DNAH12: variants seen among roughly 807,000 people sequenced by gnomAD.
DNAH12 encodes dynein axonemal heavy chain 12.
Under a neutral mutation model 371.5 loss-of-function variants are expected in DNAH12, and 285 were observed. That is an observed-to-expected ratio of 0.77 (90% CI 0.70 to 0.85). The LOEUF (loss-of-function observed/expected upper bound fraction) is 0.85, where lower values mean the gene tolerates loss of function less well. Ranked by LOEUF, DNAH12 falls within the 40% of genes least tolerant of loss-of-function variation. The pLI, the probability that DNAH12 is intolerant of heterozygous loss-of-function variation, is 0.00. For missense variants in DNAH12, 3,611 were observed against 3,689.4 expected, an observed-to-expected ratio of 0.98 and a Z score of 0.55; for synonymous variants, 1,200 against 1,213.0, an observed-to-expected ratio of 0.99 and a Z score of 0.22.
rs1412259482 is a variant in DNAH12 at position 57,405,243 on chromosome 3, T to C, written c.6577-96A>G. Reference sequence around the variant, plus strand: ...TGTTTCATCCATGTTATAAAGTAATTAAGTTTTTAAACATTAGGGTAGTAA... The same window carrying C: ...TGTTTCATCCATGTTATAAAGTAATCAAGTTTTTAAACATTAGGGTAGTAA... On this transcript the variant is annotated intron_variant, in intron 41 of 73. Coordinates refer to ENST00000495027, the MANE Select transcript of DNAH12 (RefSeq NM_001366028.2). 4.5e-6 allele frequency: 5 copies of C among 1,111,818 alleles called. No homozygotes were observed. In the East Asian group the frequency reaches 1.4e-4, roughly 31 times the overall value. The allele number at this position is 1,111,818 out of a possible 1,614,324, so 68.9% of individuals were successfully genotyped here. A position where few individuals can be genotyped will look rare whatever the true frequency, so the allele number is the denominator to read the frequency against.
intron 4 of DNAH12, among the ~76,000 whole-genome samples, chr3:57,512,982 C>CA (rs952818979): frequency 4.0e-5 from 6 of 151,768 alleles, no homozygotes; most frequent in African/African-American, 1.5e-4. Flanking sequence ...ACTAAAAATA[C>CA]AAAAAAATTA....
chr3:57,305,615 C>G (rs920848625), intron 69 of DNAH12, among the ~76,000 whole-genome samples: 1 of 152,102 alleles, frequency 6.6e-6, no homozygotes, highest in Non-Finnish European at 1.5e-5. Flanking sequence ...TATGAAAAAC[C>G]CAGCCAGTTC....
intron 2 of DNAH12, among the ~76,000 whole-genome samples, chr3:57,526,410 T>C (rs1388222743): frequency 1.3e-5 from 2 of 151,890 alleles, no homozygotes; most frequent in Admixed American, 1.3e-4. Flanking sequence ...TTTGTTTTTG[T>C]TTTGTTTTAT....
intron 55 of DNAH12, among the ~76,000 whole-genome samples, chr3:57,372,072 G>A (rs1446653337): frequency 6.6e-6 from 1 of 151,506 alleles, no homozygotes; most frequent in African/African-American, 2.4e-5. Context: ...TAGTGCAGTA[G>A]GGTAACTATA....
At chr3:57,341,361 T>C (rs1490135196) in intron 60 of DNAH12, among the ~76,000 whole-genome samples, 1 of 152,126 alleles carries the variant, frequency 6.6e-6, no homozygotes, top group Non-Finnish European at 1.5e-5. Flanking sequence ...ACTTAGACTC[T>C]ACCCAAAAAA....
intron 34 of DNAH12, among the ~76,000 whole-genome samples, 180 bp from the exon 35 acceptor site, chr3:57,425,321 C>CA (rs2064731850): frequency 6.6e-6 from 1 of 152,004 alleles, no homozygotes; most frequent in African/African-American, 2.4e-5. Context: ...AATCATAGCT[C>CA]ACTGCAGCCT....
intron 9 of DNAH12, among the ~76,000 whole-genome samples, chr3:57,503,422 CTG>C (rs1228249290): frequency 6.7e-6 from 1 of 150,008 alleles, no homozygotes; most frequent in Non-Finnish European, 1.5e-5. Context: ...CGGAGTCTCA[CTG>C]TGTCACTAGG....
chr3:57,353,225 G>C (rs913025467), intron 59 of DNAH12, among the ~76,000 whole-genome samples: 17 of 151,852 alleles, frequency 1.1e-4, no homozygotes, highest in Admixed American at 7.9e-4. Flanking sequence ...ATTTTTTTCA[G>C]TTTAATTTTT....
At chr3:57,365,499 T>C (rs2063031358) in intron 57 of DNAH12, among the ~76,000 whole-genome samples, 2 of 152,116 alleles carry the variant, frequency 1.3e-5, no homozygotes, top group Admixed American at 6.5e-5. Context: ...AAATAGCTAA[T>C]GCATGCTGGG....
At chr3:57,340,049 G>A (rs1257356455) in intron 60 of DNAH12, among the ~76,000 whole-genome samples, 1 of 151,378 alleles carries the variant, frequency 6.6e-6, no homozygotes, top group Admixed American at 6.6e-5. Flanking sequence ...CCAGCATGGG[G>A]GACAAAGTGA....
Position 57,413,776 on chromosome 3 carries a change from A to T in DNAH12, c.5990T>A (p.Leu1997Ter). The change falls in exon 39 of 74, where the codon TTA becomes TAA. Residue 1997 changes from leucine to a stop codon, truncating the protein, a stop_gained. Coordinates refer to ENST00000495027, the MANE Select transcript of DNAH12 (RefSeq NM_001366028.2). LOFTEE classifies it high-confidence loss of function. The stretch of plus-strand genomic sequence containing the variant: ...TCCACAGTCAAAAAACTGTCGTAAT[A>T]ATTCAATAGGTGGTTGAGCTCCATA... Reference protein sequence around the residue: ...EKYGAQPPIELLRQFFDCGHW... With the variant: ...EKYGAQPPIE 1 of 1,551,068 alleles carries T rather than the reference A, an allele frequency of 6.4e-7. No homozygotes were observed. Among genetic ancestry groups the T allele is most frequent in the Non-Finnish European group, 8.7e-7 (1 of 1,146,730 alleles).
chr3:57,370,031 T>G (rs2063136701), intron 55 of DNAH12, among the ~76,000 whole-genome samples: 1 of 152,132 alleles, frequency 6.6e-6, no homozygotes, highest in Admixed American at 6.5e-5. Context: ...TACCTTACTC[T>G]AGGTATGAAA....
intron 22 of DNAH12, among the ~76,000 whole-genome samples, chr3:57,455,325 G>A (rs2065871815): frequency 6.6e-6 from 1 of 151,902 alleles, no homozygotes; most frequent in African/African-American, 2.4e-5. Flanking sequence ...AGCACTTTGG[G>A]AGGCCGAGGC....
chr3:57,328,134 A>G, intron 62 of DNAH12, among the ~76,000 whole-genome samples: 1 of 148,332 alleles, frequency 6.7e-6, no homozygotes, highest in African/African-American at 2.5e-5. Context: ...CCAGAGGTAC[A>G]AGGAGGAACT....
chr3:57,517,185 G>C (rs2068232001), intron 4 of DNAH12, among the ~76,000 whole-genome samples: 1 of 151,928 alleles, frequency 6.6e-6, no homozygotes, highest in African/African-American at 2.4e-5. Flanking sequence ...TCCCTCACCA[G>C]TCACTATCTA....
chr3:57,499,650 AT>A lies in DNAH12; in HGVS notation c.1335+1670del, dbSNP rs1559724508. 3.1e-3 allele frequency among the ~76,000 whole-genome samples: 104 copies of A among 33,618 alleles called. 2 individuals carry two copies. Among genetic ancestry groups the A allele is most frequent in the African/African-American group, 9.9e-3 (84 of 8,510 alleles). The allele number at this position is 33,618 out of a possible 152,430, so 22.1% of individuals were successfully genotyped here. ...CTCTACAAAAAAAAAAAAAAAAAAT[AT>A]ATATATATATATATATATATATATA... On this transcript the variant is annotated intron_variant, in intron 11 of 73. Transcript: ENST00000495027.
In DNAH12 at chr3:57,354,121, G is replaced by C. The variant is rs2062743323; in HGVS notation, c.9534-1896C>G. 2.6e-5 allele frequency among the ~76,000 whole-genome samples: 4 copies of C among 152,152 alleles called. 1 individual carries two copies. In the South Asian group the frequency reaches 8.3e-4, roughly 32 times the overall value. ...ATAGCAAAGACATGGAATCAACCTAGATGCCTGTCAATCGTAGACTAGATA... is the reference window on the plus strand; with the variant it reads ...ATAGCAAAGACATGGAATCAACCTACATGCCTGTCAATCGTAGACTAGATA... On this transcript the variant is annotated intron_variant, in intron 59 of 73. Coordinates refer to ENST00000495027, the MANE Select transcript of DNAH12 (RefSeq NM_001366028.2).
intron 25 of DNAH12, among the ~76,000 whole-genome samples, 158 bp from the exon 26 acceptor site, chr3:57,446,847 GAA>G (rs369960099): frequency 1.1e-3 from 173 of 152,342 alleles, no homozygotes; most frequent in African/African-American, 4.1e-3. Flanking sequence ...CTAGCTGCAT[GAA>G]GAGAAAGCAT....
At chr3:57,484,740 G>A (rs554095186) in intron 12 of DNAH12, among the ~76,000 whole-genome samples, 28 of 152,194 alleles carry the variant, frequency 1.8e-4, no homozygotes, top group Non-Finnish European at 2.9e-5. Flanking sequence ...ATAATCAGCA[G>A]GGTAAACAGA....
Sources: gnomAD v4.1 joint callset for allele counts (sites outside exome capture counted in the v4.1 genomes callset) on GRCh38, gnomAD v4.1.1 for gene constraint, MANE v1.5 for transcripts, NCBI Gene and HGNC (gene_info 2026-07-23, HGNC 2026-07-21) for gene names.